The following C4orf36 variants were observed in gnomAD, a reference collection of about 807,000 sequenced individuals.
C4orf36 encodes uncharacterized protein C4orf36.
In C4orf36, 11 loss-of-function variants were observed where a neutral mutation model predicts 12.2. That is an observed-to-expected ratio of 0.90 (90% CI 0.57 to 1.49). C4orf36 has a LOEUF of 1.49. Ranked by LOEUF, C4orf36 falls within the 40% of genes most tolerant of loss-of-function variation. The probability of loss-of-function intolerance (pLI) is 0.00; values close to 1 mark genes in which losing one functional copy is unlikely to be tolerated. For missense variants in C4orf36, 137 were observed against 133.9 expected (o/e 1.02, Z -0.11); for synonymous variants, 54 against 51.3 (o/e 1.05, Z -0.22).
At chr4:86,904,680 GC>G in the C4orf36 span, among the ~76,000 whole-genome samples, 2 of 150,484 alleles carry the variant, frequency 1.3e-5, no homozygotes, top group African/African-American at 2.4e-5. Context: ...AATTGATTGA[GC>G]CCCGGAGTTC....
upstream of C4orf36, among the ~76,000 whole-genome samples, chr4:86,893,616 C>A (rs1387800933): frequency 6.6e-6 from 1 of 151,604 alleles, no homozygotes; most frequent in East Asian, 1.9e-4. Flanking sequence ...AGTAACCTTT[C>A]CATCTGACAA....
At chr4:86,913,655 AT>A in the C4orf36 span, 2 of 1,593,104 alleles carry the variant, frequency 1.3e-6, no homozygotes, top group Non-Finnish European at 1.7e-6. Flanking sequence ...TTTTTGAGGC[AT>A]CAGCAACAGA....
chr4:86,891,904 A>G (rs2149424586), intron 1 of C4orf36, among the ~76,000 whole-genome samples: 1 of 152,362 alleles, frequency 6.6e-6, no homozygotes, highest in Admixed American at 6.5e-5. Context: ...TGATCGTGGC[A>G]GTGCTGAGCG....
the C4orf36 span, chr4:86,914,064 G>C: frequency 8.7e-6 from 14 of 1,610,550 alleles, no homozygotes; most frequent in South Asian, 8.8e-5. Flanking sequence ...GAGGACTGTG[G>C]AGCGAATTGG....
At chr4:86,901,528 C>T in the C4orf36 span, among the ~76,000 whole-genome samples, 1 of 152,012 alleles carries the variant, frequency 6.6e-6, no homozygotes, top group Non-Finnish European at 1.5e-5. Flanking sequence ...CTGCCTCAGC[C>T]TCCCAAGTAG....
chr4:86,878,142 G>A (rs1043711499), intron 4 of C4orf36, among the ~76,000 whole-genome samples: 1 of 151,826 alleles, frequency 6.6e-6, no homozygotes, highest in Admixed American at 6.6e-5. Flanking sequence ...CTTCCCCTTG[G>A]GAAAATCAAA....
At chr4:86,880,800 G>A (rs943059402) in intron 4 of C4orf36, among the ~76,000 whole-genome samples, 5 of 152,284 alleles carry the variant, frequency 3.3e-5, no homozygotes, top group Admixed American at 3.3e-4. Flanking sequence ...CTAGCACTTT[G>A]GGAGGCTGAG....
At chr4:86,921,778 G>C in the C4orf36 span, among the ~76,000 whole-genome samples, 4 of 152,046 alleles carry the variant, frequency 2.6e-5, no homozygotes, top group Non-Finnish European at 5.9e-5. Flanking sequence ...CCCATCTCTA[G>C]AACATTTTCA....
the C4orf36 span, among the ~76,000 whole-genome samples, chr4:86,898,001 A>G: frequency 3.9e-5 from 6 of 152,230 alleles, no homozygotes; most frequent in African/African-American, 7.2e-5. Context: ...GGCTGTTACA[A>G]CGTCACCCTA....
At chr4:86,886,018 T>C (rs1450942893) in intron 4 of C4orf36, among the ~76,000 whole-genome samples, 1 of 152,236 alleles carries the variant, frequency 6.6e-6, no homozygotes, top group African/African-American at 2.4e-5. Flanking sequence ...TTTGCGTATG[T>C]TGAACCAGCC....
the C4orf36 span, among the ~76,000 whole-genome samples, chr4:86,917,595 AGAAG>A: frequency 2.7e-5 from 4 of 149,486 alleles, no homozygotes; most frequent in East Asian, 2.0e-4. Context: ...GGGAAGGGAA[AGAAG>A]GAGGGAGGAA....
At chr4:86,922,488 T>C in the C4orf36 span, among the ~76,000 whole-genome samples, 1 of 152,220 alleles carries the variant, frequency 6.6e-6, no homozygotes, top group Non-Finnish European at 1.5e-5. Flanking sequence ...TGGAGTTAAC[T>C]GATCTGGATC....
the C4orf36 span, chr4:86,913,476 T>A: frequency 1.3e-6 from 1 of 771,898 alleles, no homozygotes; most frequent in Non-Finnish European, 2.3e-6. Context: ...GACAGACATG[T>A]TGCGTTGGAT....
the C4orf36 span, among the ~76,000 whole-genome samples, chr4:86,917,948 G>C: frequency 5.3e-5 from 8 of 152,228 alleles, no homozygotes; most frequent in Non-Finnish European, 7.3e-5. Context: ...CAACTCTACT[G>C]TAATCACATG....
chr4:86,893,900 A>G (rs1747528699), upstream of C4orf36, among the ~76,000 whole-genome samples: 1 of 145,268 alleles, frequency 6.9e-6, no homozygotes, highest in Non-Finnish European at 1.5e-5. Context: ...TTATTTATTT[A>G]TTTATTTATT....
At chr4:86,930,408 C>G in the C4orf36 span, among the ~76,000 whole-genome samples, 1 of 152,224 alleles carries the variant, frequency 6.6e-6, no homozygotes, top group East Asian at 1.9e-4. Flanking sequence ...AATTCTACTT[C>G]TACTATTTAA....
At chr4:86,905,363 A>G in the C4orf36 span, among the ~76,000 whole-genome samples, 1 of 151,952 alleles carries the variant, frequency 6.6e-6, no homozygotes, top group African/African-American at 2.4e-5. Flanking sequence ...AGCCTGGGCA[A>G]CAGAGACTCC....
At chr4:86,899,846 C>G in the C4orf36 span, among the ~76,000 whole-genome samples, 1 of 152,096 alleles carries the variant, frequency 6.6e-6, no homozygotes, top group African/African-American at 2.4e-5. Context: ...AATAAAATTT[C>G]ATGAAACTGG....
chr4:86,877,728 T>A (rs1423029294), intron 4 of C4orf36, among the ~76,000 whole-genome samples: 2 of 152,184 alleles, frequency 1.3e-5, no homozygotes, highest in East Asian at 1.9e-4. Flanking sequence ...CTTCTAAATA[T>A]GTCAAAGCAG....
Sources: gnomAD v4.1 joint callset for allele counts (sites outside exome capture counted in the v4.1 genomes callset) on GRCh38, gnomAD v4.1.1 for gene constraint, MANE v1.5 for transcripts, NCBI Gene and HGNC (gene_info 2026-07-23, HGNC 2026-07-21) for gene names.